Variants in UGT1A10 observed in about 807,000 individuals in gnomAD.
UGT1A10 encodes UDP-glucuronosyltransferase 1A10.
A neutral mutation model predicts 45.8 loss-of-function variants in UGT1A10; 49 were observed. That is an observed-to-expected ratio of 1.07 (90% CI 0.85 to 1.36). The LOEUF (loss-of-function observed/expected upper bound fraction) is 1.36. Among genes scored for constraint, UGT1A10 ranks in the 40% most tolerant of loss-of-function variants. UGT1A10 has a pLI of 0.00. For missense variants in UGT1A10, 745 were observed against 668.6 expected (o/e 1.11, Z -1.26); for synonymous variants, 284 against 249.7 (o/e 1.14, Z -1.29).
At chr2:233,725,206 A>AGGC (rs1165948613) in intron 1 of UGT1A10, among the ~76,000 whole-genome samples, 4 of 91,688 alleles carry the variant, frequency 4.4e-5, no homozygotes, top group Admixed American at 9.5e-5. Context: ...GCAGAGGCAG[A>AGGC]GGCAGAGGCA....
intron 1 of UGT1A10, among the ~76,000 whole-genome samples, chr2:233,700,533 G>A (rs1285973817): frequency 3.3e-5 from 5 of 152,126 alleles, no homozygotes; most frequent in Non-Finnish European, 4.4e-5. Flanking sequence ...ATAACTCTAG[G>A]AGAATGAGAA....
At chr2:233,688,834 G>A (rs560927921) in intron 1 of UGT1A10, among the ~76,000 whole-genome samples, 54 of 152,250 alleles carry the variant, frequency 3.5e-4, no homozygotes, top group African/African-American at 1.2e-3. Context: ...TGAAAGAAAA[G>A]GATGTAAAGA....
chr2:233,761,361 C>A (rs1202698678), intron 1 of UGT1A10, among the ~76,000 whole-genome samples: 1 of 152,198 alleles, frequency 6.6e-6, no homozygotes, highest in Non-Finnish European at 1.5e-5. Context: ...GGAAAGCATT[C>A]CTTGGACATT....
intron 1 of UGT1A10, among the ~76,000 whole-genome samples, chr2:233,662,158 T>A (rs968036045): frequency 6.6e-6 from 1 of 152,244 alleles, no homozygotes; most frequent in Non-Finnish European, 1.5e-5. Flanking sequence ...AATGGTGTCA[T>A]GTATAGTCTG....
intron 1 of UGT1A10, among the ~76,000 whole-genome samples, chr2:233,703,168 T>C (rs1403871395): frequency 6.6e-6 from 1 of 152,208 alleles, no homozygotes; most frequent in East Asian, 1.9e-4. Flanking sequence ...CTTGATTCAA[T>C]TTCAGTAGTT....
At chr2:233,650,156 G>A (rs2741036) in intron 1 of UGT1A10, among the ~76,000 whole-genome samples, 33,968 of 152,022 alleles carry the variant, frequency 0.22, 4,741 homozygotes, top group South Asian at 0.38. Flanking sequence ...TTTTAGTAGA[G>A]GCAGGGTTTC....
At chr2:233,742,694 A>G (rs1343342305) in intron 1 of UGT1A10, 1 of 152,520 alleles carries the variant, frequency 6.6e-6, no homozygotes, top group Admixed American at 6.5e-5. Context: ...CAGAGGGAAC[A>G]TGCTTCCACC....
intron 1 of UGT1A10, among the ~76,000 whole-genome samples, chr2:233,639,971 G>A (rs574479169): frequency 1.3e-5 from 2 of 152,314 alleles, no homozygotes; most frequent in Admixed American, 1.3e-4. Flanking sequence ...CAGAATTGAT[G>A]ACTGGTTTTA....
chr2:233,697,389 G>T (rs1033670982), intron 1 of UGT1A10, among the ~76,000 whole-genome samples: 1 of 151,952 alleles, frequency 6.6e-6, no homozygotes, highest in African/African-American at 2.4e-5. Flanking sequence ...AATCGCTAAT[G>T]ATCCTTTGTA....
At chr2:233,712,807 G>A (rs181271585) in intron 1 of UGT1A10, among the ~76,000 whole-genome samples, 194 of 152,338 alleles carry the variant, frequency 1.3e-3, no homozygotes, top group African/African-American at 4.6e-3. Context: ...TCTTTCCCAG[G>A]GTGGGGCCCA....
intron 1 of UGT1A10, among the ~76,000 whole-genome samples, chr2:233,649,542 A>T (rs750259834): frequency 6.6e-6 from 1 of 152,196 alleles, no homozygotes; most frequent in Non-Finnish European, 1.5e-5. Context: ...TGAAAATCAA[A>T]TCAACTATCA....
intron 1 of UGT1A10, chr2:233,672,836 A>C: frequency 6.4e-7 from 1 of 1,556,988 alleles, no homozygotes; most frequent in Non-Finnish European, 8.7e-7. Flanking sequence ...CACCTTTGGA[A>C]ATTAAAAAAG....
intron 1 of UGT1A10, chr2:233,692,383 A>G (rs1237796936): frequency 1.9e-5 from 3 of 155,458 alleles, no homozygotes; most frequent in Non-Finnish European, 4.3e-5. Flanking sequence ...ATTGACTCCA[A>G]GAAAGAGGGT....
At chr2:233,760,382 T>G (rs1697426202) in intron 1 of UGT1A10, 1 of 1,614,082 alleles carries the variant, frequency 6.2e-7, no homozygotes, top group African/African-American at 1.3e-5. Context: ...AAGATACTGT[T>G]GATCCCAGTG....
At chr2:233,671,763 C>T in intron 1 of UGT1A10, 3 of 1,334,808 alleles carry the variant, frequency 2.2e-6, no homozygotes, top group South Asian at 2.0e-5. Context: ...GCAAAAGCTA[C>T]TCATATATTC....
intron 4 of UGT1A10, among the ~76,000 whole-genome samples, chr2:233,768,849 G>A (rs1699741817): frequency 6.6e-6 from 1 of 152,046 alleles, no homozygotes; most frequent in African/African-American, 2.4e-5. Flanking sequence ...CTGCCAAAGT[G>A]CTGAGATTAC....
chr2:233,660,492 T>C (rs535315433), intron 1 of UGT1A10, among the ~76,000 whole-genome samples: 26 of 152,292 alleles, frequency 1.7e-4, no homozygotes, highest in Middle Eastern at 3.4e-3. Context: ...AGACAAAGCG[T>C]TGGTTTTCAT....
chr2:233,754,448 T>G (rs1695488368), intron 1 of UGT1A10: 3 of 350,316 alleles, frequency 8.6e-6, no homozygotes, highest in Non-Finnish European at 1.7e-5. Flanking sequence ...TATAAATTCT[T>G]GGGTACAGCT....
In UGT1A10 at chr2:233,769,857, CAA is replaced by C. The variant is rs879204025; in HGVS notation, c.1295+1434_1295+1435del. The C allele has an allele frequency of 0.032, 7,144 of 220,908 alleles. No individual in the cohort carries two copies. The highest frequency in any genetic ancestry group is 0.048 in the South Asian group (428 of 8,924). The allele number at this position is 220,908 out of a possible 1,614,324, so 13.7% of individuals were successfully genotyped here. Reference sequence around the variant, plus strand: ...TGGGCAACAGAGTGAGACCCTGTCTCAAAAAAAAAAAAAAAAATGAAAAGTCC... The same window carrying C: ...TGGGCAACAGAGTGAGACCCTGTCTCAAAAAAAAAAAAAAATGAAAAGTCC... On this transcript the variant is annotated intron_variant, in intron 4 of 4. Transcript: ENST00000344644. The surrounding 1 kb of genome is among the most constrained non-coding windows in gnomAD (Gnocchi z 4.4).
Sources: allele counts gnomAD v4.1 joint callset (sites outside exome capture counted in the v4.1 genomes callset), GRCh38; gene constraint gnomAD v4.1.1; non-coding constraint Gnocchi (gnomAD v3.1); transcripts MANE v1.5; gene names NCBI Gene and HGNC (gene_info 2026-07-23, HGNC 2026-07-21).